The following CDKL4 variants were observed in gnomAD, a reference collection of about 807,000 sequenced individuals.
The protein encoded by CDKL4 is cyclin-dependent kinase-like 4.
A neutral mutation model predicts 42.0 loss-of-function variants in CDKL4; 44 were observed. The ratio of observed to expected loss-of-function variants is 1.05; its 90% CI spans 0.82 to 1.35. The LOEUF (loss-of-function observed/expected upper bound fraction) is 1.35. Ranked by LOEUF, CDKL4 falls within the 40% of genes most tolerant of loss-of-function variation. CDKL4 has a pLI of 0.00. For missense variants in CDKL4, 393 were observed against 369.9 expected (o/e 1.06, Z -0.51); for synonymous variants, 120 against 121.6 (o/e 0.99, Z 0.09).
intron 3 of CDKL4, among the ~76,000 whole-genome samples, chr2:39,220,484 T>C (rs57271382): frequency 0.099 from 15,136 of 152,196 alleles, 1,816 homozygotes; most frequent in African/African-American, 0.29. Flanking sequence ...ACGGGGAATG[T>C]ATGAAGAAAT....
chr2:39,215,491 T>C (rs1005288826), intron 3 of CDKL4, among the ~76,000 whole-genome samples: 2 of 152,220 alleles, frequency 1.3e-5, no homozygotes, highest in African/African-American at 4.8e-5. Context: ...ACATAAGAGT[T>C]TCTTTTACTA....
rs1678309033 is a variant in CDKL4 at position 39,220,998 on chromosome 2, T to TTTTTTTTTTTTTTTTTTTTTC, written c.290+4840_290+4841insGAAAAAAAAAAAAAAAAAAAA. Among the ~76,000 whole-genome samples, 2 of 51,974 alleles carry TTTTTTTTTTTTTTTTTTTTTC rather than the reference T, an allele frequency of 3.8e-5. 1 individual carries two copies. Among genetic ancestry groups the TTTTTTTTTTTTTTTTTTTTTC allele is most frequent in the Non-Finnish European group, 1.1e-4 (2 of 19,038 alleles). The allele number at this position is 51,974 out of a possible 152,430, so 34.1% of individuals were successfully genotyped here. ...GATCTTTTTTTTTTTTTTTTTTTTT[T>TTTTTTTTTTTTTTTTTTTTTC]TTGTTTTTTTTTTTGTTTTGTTTTT... On this transcript the variant is annotated intron_variant, in intron 3 of 9. Transcript: ENST00000451199.
At chr2:39,204,558 C>T in exon 5 of CDKL4, 1 of 1,609,792 alleles carries the variant, frequency 6.2e-7, no homozygotes, top group African/African-American at 1.3e-5. Flanking sequence ...AGTCACAAAT[C>T]TTGATTATTC....
intron 4 of CDKL4, among the ~76,000 whole-genome samples, chr2:39,208,799 T>G (rs566018276): frequency 1.3e-5 from 2 of 151,230 alleles, no homozygotes; most frequent in Admixed American, 6.6e-5. Flanking sequence ...CTCTGCAAAC[T>G]TGCACACCAG....
chr2:39,220,320 T>G (rs140056515), intron 3 of CDKL4, among the ~76,000 whole-genome samples: 2 of 152,054 alleles, frequency 1.3e-5, no homozygotes, highest in Admixed American at 1.3e-4. Flanking sequence ...GGATGCCCGC[T>G]CTCTTCAAGC....
intron 5 of CDKL4, among the ~76,000 whole-genome samples, chr2:39,197,875 A>ATATATTTAAAATATAT (rs1253191593): frequency 6.6e-6 from 1 of 152,174 alleles, no homozygotes; most frequent in African/African-American, 2.4e-5. Context: ...AATACACCAA[A>ATATATTTAAAATATAT]ATAGAATCTC....
At chr2:39,188,718 C>A (rs939864155) in intron 6 of CDKL4, among the ~76,000 whole-genome samples, 10 of 151,840 alleles carry the variant, frequency 6.6e-5, no homozygotes, top group Non-Finnish European at 1.5e-4. Flanking sequence ...CAGACAGGGT[C>A]TCTCTCTGTT....
At chr2:39,178,590 G>A (rs1483754348) in intron 9 of CDKL4, 1 of 1,553,808 alleles carries the variant, frequency 6.4e-7, no homozygotes, top group Middle Eastern at 1.7e-4. Flanking sequence ...GTGAAGGACA[G>A]TCACCTGATA....
At chr2:39,192,613 A>G (rs766195745) in intron 5 of CDKL4, among the ~76,000 whole-genome samples, 6 of 151,596 alleles carry the variant, frequency 4.0e-5, no homozygotes, top group Non-Finnish European at 5.9e-5. Context: ...ATCATACTAC[A>G]TACACAATTC....
At chr2:39,172,646 A>T (rs1367922172), downstream of CDKL4, among the ~76,000 whole-genome samples, 1 of 152,054 alleles carries the variant, frequency 6.6e-6, no homozygotes, top group Non-Finnish European at 1.5e-5. Context: ...CAGTGGTATG[A>T]TCTCAGCTCA....
At chr2:39,242,577 C>G (rs999888129) in intron 1 of CDKL4, among the ~76,000 whole-genome samples, 2 of 152,076 alleles carry the variant, frequency 1.3e-5, no homozygotes, top group African/African-American at 4.8e-5. Flanking sequence ...TCCTTAGTCT[C>G]AAGGGTTTGC....
rs575792649 is a variant in CDKL4 at position 39,227,714 on chromosome 2, A to T, written c.168+1651T>A. 2.3e-4 allele frequency among the ~76,000 whole-genome samples: 35 copies of T among 152,360 alleles called. 1 individual carries two copies. Among genetic ancestry groups the T allele is most frequent in the Admixed American group, 1.3e-4 (2 of 15,298 alleles). On this transcript the variant is annotated intron_variant, in intron 2 of 9. Coordinates refer to ENST00000451199, the Ensembl canonical transcript of CDKL4. ...GTGCCGCTGCAAAACCACAGTATGG[A>T]AGCAAAGCAGGATCTCTACTAGGGG...
chr2:39,177,227 C>T (rs919668268), intron 9 of CDKL4, among the ~76,000 whole-genome samples: 21 of 152,068 alleles, frequency 1.4e-4, no homozygotes, highest in Non-Finnish European at 4.4e-5. Flanking sequence ...CAGCTGTAAA[C>T]CCAAGCAGAG....
intron 5 of CDKL4, among the ~76,000 whole-genome samples, chr2:39,197,445 G>C (rs1429798301): frequency 1.3e-5 from 2 of 152,106 alleles, no homozygotes. Context: ...GGCCTTGCTA[G>C]AGATCTAGAC....
chr2:39,226,788 T>A (rs1456721315), intron 2 of CDKL4, among the ~76,000 whole-genome samples: 32 of 151,612 alleles, frequency 2.1e-4, no homozygotes, highest in Admixed American at 2.0e-3. Context: ...GACACTTTTT[T>A]TTTTTCCTTG....
chr2:39,178,501 A>C (rs1366883513), intron 9 of CDKL4: 2 of 1,488,434 alleles, frequency 1.3e-6, no homozygotes, highest in African/African-American at 2.8e-5. Flanking sequence ...CGGGTTTACA[A>C]GGTGAGAAAA....
At chr2:39,193,413 T>C (rs1438833185) in intron 5 of CDKL4, among the ~76,000 whole-genome samples, 2 of 151,542 alleles carry the variant, frequency 1.3e-5, no homozygotes, top group African/African-American at 4.8e-5. Flanking sequence ...TTCGCTCTTA[T>C]TGTCCAGGCT....
At chr2:39,214,112 G>A (rs1254923167) in intron 3 of CDKL4, among the ~76,000 whole-genome samples, 1 of 151,946 alleles carries the variant, frequency 6.6e-6, no homozygotes, top group Non-Finnish European at 1.5e-5. Context: ...TAGTAGAGAC[G>A]GGGTTTTGTC....
At chr2:39,209,801 T>C (rs1040416034) in intron 4 of CDKL4, among the ~76,000 whole-genome samples, 8 of 152,200 alleles carry the variant, frequency 5.3e-5, no homozygotes, top group African/African-American at 1.9e-4. Context: ...GAGACTATCA[T>C]GGGAGTTCCT....
Sources: allele counts gnomAD v4.1 joint callset (sites outside exome capture counted in the v4.1 genomes callset), GRCh38; gene constraint gnomAD v4.1.1; transcripts MANE v1.5; gene names NCBI Gene and HGNC (gene_info 2026-07-23, HGNC 2026-07-21).